The following U2SURP variants were observed in gnomAD, a reference collection of about 807,000 sequenced individuals.
The protein encoded by U2SURP is U2 snRNP-associated SURP motif-containing protein.
U2SURP carries 9 observed loss-of-function variants against 144.9 expected under a neutral mutation model. The observed-to-expected ratio is 0.06, with a 90% confidence interval of 0.04 to 0.11. The LOEUF is 0.11. Among genes scored for constraint, U2SURP ranks in the 10% least tolerant of loss-of-function variants. U2SURP has a pLI of 1.00. For missense variants in U2SURP, 724 were observed against 1,226.7 expected (o/e 0.59, Z 6.12); for synonymous variants, 408 against 396.8 (o/e 1.03, Z -0.33).
At chr3:143,013,535 A>G (rs1936215317) in intron 3 of U2SURP, among the ~76,000 whole-genome samples, 1 of 152,040 alleles carries the variant, frequency 6.6e-6, no homozygotes, top group Non-Finnish European at 1.5e-5. Context: ...GGAGAGAGAA[A>G]CCTTCAGATT....
rs780801608 is a variant in U2SURP at position 143,029,268 on chromosome 3, C to T, written c.1610+622C>T. On this transcript the variant is annotated intron_variant, in intron 16 of 27. Coordinates refer to ENST00000473835, the MANE Select transcript of U2SURP (RefSeq NM_001080415.2). ...AGTACAGACATACTTAGTTTTATTGCGCTTTGACTTACTGTGCTCTGCAGA... is the reference window on the plus strand; with the variant it reads ...AGTACAGACATACTTAGTTTTATTGTGCTTTGACTTACTGTGCTCTGCAGA... 7.2e-5 allele frequency among the ~76,000 whole-genome samples: 11 copies of T among 152,284 alleles called. No individual in the cohort carries two copies. The East Asian group carries it at 1.5e-3, about 21-fold the overall frequency.
At chr3:143,042,144 A>T (rs956348594) in intron 23 of U2SURP, among the ~76,000 whole-genome samples, 1 of 152,024 alleles carries the variant, frequency 6.6e-6, no homozygotes, top group Non-Finnish European at 1.5e-5. Context: ...GGACAGGAGA[A>T]TTTTTCTTCT....
rs1935273408 is a variant in U2SURP at position 143,059,087 on chromosome 3, T to C, written c.*2637T>C. On this transcript the variant is annotated 3_prime_UTR_variant, in exon 28 of 28. Transcript: ENST00000473835. ...AGAGAGACAGACCTATGATGGAAAA[T>C]GATCACGTCTCTGAATTTTTTCTTT... 6.6e-6 allele frequency: 1 copy of C among 152,368 alleles called. No individual in the cohort carries two copies. Among genetic ancestry groups the C allele is most frequent in the Non-Finnish European group, 1.5e-5 (1 of 67,840 alleles). The allele number at this position is 152,368 out of a possible 1,614,324, so 9.4% of individuals were successfully genotyped here.
chr3:143,031,029 T>C (rs954867103), intron 16 of U2SURP, among the ~76,000 whole-genome samples: 1 of 152,164 alleles, frequency 6.6e-6, no homozygotes, highest in African/African-American at 2.4e-5. Context: ...ACTCCAGATA[T>C]GGTAGAAATA....
intron 26 of U2SURP, among the ~76,000 whole-genome samples, chr3:143,054,002 A>G (rs1235488142): frequency 6.6e-6 from 1 of 152,206 alleles, no homozygotes; most frequent in Non-Finnish European, 1.5e-5. Flanking sequence ...ATCCCTTCAC[A>G]TGGTTTATAT....
chr3:143,056,008 G>A (rs1011618034), intron 27 of U2SURP, among the ~76,000 whole-genome samples: 1 of 152,074 alleles, frequency 6.6e-6, no homozygotes, highest in African/African-American at 2.4e-5. Flanking sequence ...TATGGAGCTT[G>A]TTAAAAATGC....
At chr3:143,030,959 GGAA>G (rs1427171845) in intron 16 of U2SURP, among the ~76,000 whole-genome samples, 14 of 152,182 alleles carry the variant, frequency 9.2e-5, no homozygotes, top group African/African-American at 3.4e-4. Flanking sequence ...ACAGGAGCTT[GGAA>G]GAAGTTAGTC....
intron 24 of U2SURP, among the ~76,000 whole-genome samples, chr3:143,048,312 A>G (rs1319402148): frequency 6.6e-6 from 1 of 152,190 alleles, no homozygotes; most frequent in Non-Finnish European, 1.5e-5. Flanking sequence ...TGATTTTTAA[A>G]ATGATTATCT....
intron 3 of U2SURP, among the ~76,000 whole-genome samples, chr3:143,012,593 G>A (rs957714603): frequency 2.6e-5 from 4 of 152,144 alleles, no homozygotes; most frequent in Admixed American, 2.6e-4. Context: ...AAACAAAGTA[G>A]TGTTTGGATT....
Position 143,043,164 on chromosome 3 carries a change from C to G in U2SURP, c.2432C>G (p.Ser811Cys). The change falls in exon 24 of 28, where the codon TCT (serine) becomes TGT (cysteine). Residue 811 changes from serine (S) to cysteine (C), a missense_variant. By Grantham distance (112) the Ser-to-Cys change is moderately radical. Around this residue, in one of 13 missense-constraint regions of U2SURP, gnomAD observed 50 missense variants for 48.0 expected, o/e 1.04. Transcript: ENST00000473835. Reference sequence around the variant, plus strand: ...GAAGAAGATACTCAAAGTTCCAAATCTGAAGAACATCATTTGTACTCTAAT... The same window carrying G: ...GAAGAAGATACTCAAAGTTCCAAATGTGAAGAACATCATTTGTACTCTAAT... Reference protein sequence around the residue: ...EDEEDTQSSKSEEHHLYSNPI... With the variant: ...EDEEDTQSSKCEEHHLYSNPI... The G allele has an allele frequency of 6.2e-7, 1 of 1,604,198 alleles. No homozygotes were observed. The highest frequency in any genetic ancestry group is 8.5e-7 in the Non-Finnish European group (1 of 1,175,118).
At chr3:143,014,543 T>C in intron 4 of U2SURP, 134 bp downstream of exon 4, 1 of 528,958 alleles carries the variant, frequency 1.9e-6, no homozygotes, top group Non-Finnish European at 3.4e-6. Context: ...GAGTCAAGTC[T>C]GTAATACAAC....
chr3:143,034,734 C>T (rs1049879726), intron 18 of U2SURP, 154 bp from the exon 19 acceptor site: 9 of 559,934 alleles, frequency 1.6e-5, no homozygotes, highest in South Asian at 9.2e-5. Flanking sequence ...AATTCAGTTA[C>T]GGTTTTAGAG....
At position 143,056,538 on chromosome 3, in the gene U2SURP, AT is replaced by A; in HGVS notation, c.*89del. ...GTTTTTTAAAAAAACAAAAAATCAA[AT>A]GAAAGAGCATTCCTGGGGTTTTTTG... On this transcript the variant is annotated 3_prime_UTR_variant, in exon 28 of 28. Transcript: ENST00000473835. 1 of 1,494,022 alleles carries A rather than the reference AT, an allele frequency of 6.7e-7. No individual in the cohort carries two copies. The highest frequency in any genetic ancestry group is 1.3e-5 in the South Asian group (1 of 75,104). The allele number at this position is 1,494,022 out of a possible 1,614,324, so 92.5% of individuals were successfully genotyped here. A position where few individuals can be genotyped will look rare whatever the true frequency, so the allele number is the denominator to read the frequency against.
At chr3:143,033,193 A>G in intron 17 of U2SURP, 78 bp from the exon 18 acceptor site, 1 of 954,934 alleles carries the variant, frequency 1.0e-6, no homozygotes, top group Non-Finnish European at 1.6e-6. Context: ...TAACTCTTCT[A>G]ATTAGTAGCC....
chr3:143,048,030 G>A (rs148908372), intron 24 of U2SURP, among the ~76,000 whole-genome samples: 80 of 152,340 alleles, frequency 5.3e-4, no homozygotes, highest in Non-Finnish European at 1.0e-3. Flanking sequence ...GTAGAATAGT[G>A]GGTGGGGAAC....
At chr3:143,017,094 T>C (rs779747101) in intron 6 of U2SURP, 119 bp downstream of exon 6, 12 of 971,644 alleles carry the variant, frequency 1.2e-5, no homozygotes, top group Non-Finnish European at 1.7e-5. Flanking sequence ...GTGGTAGATG[T>C]TAAGTTTTGA....
At chr3:143,006,915 TACACGAATG>T (rs1341080683) in intron 1 of U2SURP, among the ~76,000 whole-genome samples, 3 of 152,200 alleles carry the variant, frequency 2.0e-5, no homozygotes, top group Non-Finnish European at 4.4e-5. Context: ...AGGAGACAGA[TACACGAATG>T]GAGAGCTCAC....
At chr3:143,035,429 CTT>C (rs1560194298) in intron 19 of U2SURP, among the ~76,000 whole-genome samples, 2 of 152,082 alleles carry the variant, frequency 1.3e-5, no homozygotes, top group African/African-American at 4.8e-5. Flanking sequence ...GGGAAGAAGA[CTT>C]TTTTAAGAAA....
At chr3:143,020,558 A>G in intron 7 of U2SURP, 41 bp from the exon 8 acceptor site, 1 of 1,417,434 alleles carries the variant, frequency 7.1e-7, no homozygotes, top group Non-Finnish European at 9.9e-7. Context: ...TGAATGAACA[A>G]ATTTTGGCTC....
Sources: gnomAD v4.1 joint callset for allele counts (sites outside exome capture counted in the v4.1 genomes callset) on GRCh38, gnomAD v4.1.1 for gene constraint, gnomAD v4.1.1 regional missense constraint, MANE v1.5 for transcripts, NCBI Gene and HGNC (gene_info 2026-07-23, HGNC 2026-07-21) for gene names.